Variants in KCNK9 observed in about 807,000 individuals in gnomAD.
KCNK9 encodes potassium channel subfamily K member 9.
KCNK9 carries 1 observed loss-of-function variant against 10.8 expected under a neutral mutation model. The ratio of observed to expected loss-of-function variants is 0.09; its 90% CI spans 0.03 to 0.44. The LOEUF is 0.44. Among genes scored for constraint, KCNK9 ranks in the 20% least tolerant of loss-of-function variants. The pLI, the probability that KCNK9 is intolerant of heterozygous loss-of-function variation, is 0.97. For missense variants in KCNK9, 303 were observed against 515.0 expected (o/e 0.59, Z 3.98); for synonymous variants, 231 against 222.7 (o/e 1.04, Z -0.33).
downstream of KCNK9, chr8:139,615,690 A>T (rs1169893663): frequency 1.3e-5 from 2 of 152,170 alleles, no homozygotes; most frequent in Non-Finnish European, 2.9e-5. Context: ...AAGATAAATT[A>T]CAAGTTGCCT....
Position 139,692,003 on chromosome 8 carries a change from C to T in KCNK9, c.283+10707G>A, listed in dbSNP as rs145168963. ...AAGAAGCAGGCTCAGCTGGCACACG[C>T]CTTTGACTTGTGTTCTTCCTCTTCT... On this transcript the variant is annotated intron_variant, in intron 1 of 1. Transcript: ENST00000520439. Among the ~76,000 whole-genome samples the T allele has an allele frequency of 5.3e-5, 8 of 152,328 alleles. No homozygotes were observed. In the East Asian group the frequency reaches 1.2e-3, roughly 22 times the overall value.
At chr8:139,611,056 C>T (rs1814407922), downstream of KCNK9, among the ~76,000 whole-genome samples, 2 of 152,238 alleles carry the variant, frequency 1.3e-5, no homozygotes, top group African/African-American at 2.4e-5. Flanking sequence ...TGAAGCCCTG[C>T]CTGAGTTCCT....
At chr8:139,634,725 C>T (rs992738105) in intron 1 of KCNK9, among the ~76,000 whole-genome samples, 4 of 152,132 alleles carry the variant, frequency 2.6e-5, no homozygotes, top group South Asian at 2.1e-4. Context: ...ATGGGAGGCT[C>T]GCACGGGTGC....
intron 1 of KCNK9, among the ~76,000 whole-genome samples, chr8:139,624,950 A>T (rs1394686655): frequency 6.6e-6 from 1 of 152,224 alleles, no homozygotes. Flanking sequence ...TGCGCTGTGC[A>T]CTATGACTCC....
At chr8:139,611,090 C>T (rs1814408945), downstream of KCNK9, among the ~76,000 whole-genome samples, 1 of 152,222 alleles carries the variant, frequency 6.6e-6, no homozygotes, top group Non-Finnish European at 1.5e-5. Flanking sequence ...TCACTTTTTT[C>T]TCCATAGTTT....
chr8:139,665,775 G>A (rs548944195), intron 1 of KCNK9, among the ~76,000 whole-genome samples: 3 of 152,312 alleles, frequency 2.0e-5, no homozygotes, highest in Admixed American at 2.0e-4. Flanking sequence ...ACTTGAATGT[G>A]TACACAGTGC....
At chr8:139,674,812 C>T (rs113039764) in intron 1 of KCNK9, among the ~76,000 whole-genome samples, 2,663 of 152,236 alleles carry the variant, frequency 0.017, 72 homozygotes, top group African/African-American at 0.061. Flanking sequence ...CGGGGTGGGG[C>T]CTGCGAGGCC....
intron 1 of KCNK9, among the ~76,000 whole-genome samples, chr8:139,638,823 A>G (rs1455316871): frequency 1.3e-5 from 2 of 152,150 alleles, no homozygotes. Flanking sequence ...CAAACACATG[A>G]TACATAGAGG....
intron 1 of KCNK9, among the ~76,000 whole-genome samples, chr8:139,621,550 C>T (rs1301764610): frequency 2.0e-5 from 3 of 152,192 alleles, no homozygotes; most frequent in African/African-American, 4.8e-5. Context: ...AGAACTAAGA[C>T]TGCTCACTGA....
At chr8:139,658,518 T>A (rs976656178) in intron 1 of KCNK9, among the ~76,000 whole-genome samples, 25 of 152,294 alleles carry the variant, frequency 1.6e-4, no homozygotes, top group Admixed American at 4.6e-4. Context: ...GGTACCCTTT[T>A]CCTTTTCCGC....
intron 1 of KCNK9, among the ~76,000 whole-genome samples, chr8:139,671,275 A>C (rs1422475171): frequency 7.2e-5 from 11 of 152,090 alleles, no homozygotes; most frequent in Non-Finnish European, 4.4e-5. Flanking sequence ...CTCAGCCCCC[A>C]TCACTCACTG....
intron 1 of KCNK9, among the ~76,000 whole-genome samples, chr8:139,636,257 G>C (rs1257446110): frequency 6.6e-6 from 1 of 152,238 alleles, no homozygotes; most frequent in Non-Finnish European, 1.5e-5. Flanking sequence ...GAGAGGCTAA[G>C]TACCCTGTCA....
chr8:139,677,247 C>T (rs2129751756), intron 1 of KCNK9, among the ~76,000 whole-genome samples: 1 of 152,224 alleles, frequency 6.6e-6, no homozygotes, highest in South Asian at 2.1e-4. Flanking sequence ...TTAGATGCTT[C>T]TCCTATCACC....
rs1814657775 is a variant in KCNK9, at chr8:139,618,166, A to ATAAT, written c.*88_*91dup. The ATAAT allele has an allele frequency of 2.7e-6, 4 of 1,481,116 alleles. No homozygotes were observed. The highest frequency in any genetic ancestry group is 1.2e-5 in the South Asian group (1 of 84,498). 91.7% of individuals were successfully genotyped at this position (1,481,116 alleles called of 1,614,324 possible). A position where few individuals can be genotyped will look rare whatever the true frequency, so the allele number is the denominator to read the frequency against. On this transcript the variant is annotated 3_prime_UTR_variant, in exon 2 of 2. Coordinates refer to ENST00000520439, the MANE Select transcript of KCNK9 (RefSeq NM_001282534.2). This position sits in a 1 kb window ranked among gnomAD's most constrained non-coding sequence, Gnocchi z 7.9. ...GAAAGTAATAATGATGACAATAATA[A>ATAAT]TAATAAATAAATAAGAAAAGACGAG...
intron 2 of KCNK9, among the ~76,000 whole-genome samples, chr8:139,606,369 G>A (rs767836396): frequency 6.6e-6 from 1 of 152,060 alleles, no homozygotes; most frequent in Admixed American, 6.5e-5. Context: ...GCTATGCTGG[G>A]GGCTGGAGAG....
At chr8:139,663,462 G>A (rs1051686071) in intron 1 of KCNK9, among the ~76,000 whole-genome samples, 7 of 151,942 alleles carry the variant, frequency 4.6e-5, no homozygotes, top group Non-Finnish European at 7.4e-5. Flanking sequence ...AATCCCTGGC[G>A]CGAAAGACAG....
chr8:139,653,752 G>A (rs991292805), intron 1 of KCNK9, among the ~76,000 whole-genome samples: 2 of 152,238 alleles, frequency 1.3e-5, no homozygotes, highest in African/African-American at 4.8e-5. Flanking sequence ...ACAAACACGA[G>A]GCGGCATTAT....
rs75200762 is a variant in KCNK9 at position 139,633,813 on chromosome 8, G to A, written c.284-14714C>T. Among the ~76,000 whole-genome samples the A allele has an allele frequency of 8.5e-3, 1,291 of 152,314 alleles. 55 individuals are homozygous for A. In the East Asian group the frequency reaches 0.096, roughly 11 times the overall value. ...CCAACACCACACAGGGCCTTCCCCC[G>A]AGGCCTGCTGCGAGCGTGAAGACGA... On this transcript the variant is annotated intron_variant, in intron 1 of 1. Transcript: ENST00000520439.
rs1817251797 is a variant in KCNK9 at position 139,702,520 on chromosome 8, C to T, written c.283+190G>A. 6.6e-6 allele frequency among the ~76,000 whole-genome samples: 1 copy of T among 152,166 alleles called. No individual in the cohort carries two copies. Among genetic ancestry groups the T allele is most frequent in the Non-Finnish European group, 1.5e-5 (1 of 68,014 alleles). Reference sequence around the variant, plus strand: ...GCGGTGGAGAGCACCGGGTGGGGTCCCCGAAGGGTGAGGCTCGGAGGCGCC... The same window carrying T: ...GCGGTGGAGAGCACCGGGTGGGGTCTCCGAAGGGTGAGGCTCGGAGGCGCC... On this transcript the variant is annotated intron_variant, in intron 1 of 1. Transcript: ENST00000520439. The surrounding 1 kb of genome is among the most constrained non-coding windows in gnomAD (Gnocchi z 7.5).
Sources: allele counts gnomAD v4.1 joint callset (sites outside exome capture counted in the v4.1 genomes callset), GRCh38; gene constraint gnomAD v4.1.1; non-coding constraint Gnocchi (gnomAD v3.1); transcripts MANE v1.5; gene names NCBI Gene and HGNC (gene_info 2026-07-23, HGNC 2026-07-21).